FREM2: variants seen among roughly 807,000 people sequenced by gnomAD.
The protein encoded by FREM2 is FRAS1-related extracellular matrix protein 2.
FREM2 carries 119 observed loss-of-function variants against 219.9 expected under a neutral mutation model. That is an observed-to-expected ratio of 0.54 (90% CI 0.47 to 0.63). The LOEUF is 0.63. Among genes scored for constraint, FREM2 ranks in the 30% least tolerant of loss-of-function variants. The pLI, the probability that FREM2 is intolerant of heterozygous loss-of-function variation, is 0.00. For synonymous variants in FREM2, 1,562 were observed against 1,522.8 expected (o/e 1.03, Z -0.60); for missense variants, 4,030 against 3,993.6 (o/e 1.01, Z -0.25).
intron 6 of FREM2, among the ~76,000 whole-genome samples, chr13:38,786,218 C>G (rs1476921900): frequency 6.6e-6 from 1 of 152,272 alleles, no homozygotes; most frequent in South Asian, 2.1e-4. Context: ...CCCATCTTTC[C>G]TCCCTTCCCA....
chr13:38,779,504 G>C (rs191522285), intron 4 of FREM2: 1 of 152,066 alleles, frequency 6.6e-6, no homozygotes, highest in African/African-American at 2.4e-5. Context: ...TCTGTGAAGC[G>C]TTTCGTATTT....
intron 2 of FREM2, among the ~76,000 whole-genome samples, chr13:38,746,563 G>A (rs536399618): frequency 2.0e-5 from 3 of 152,232 alleles, no homozygotes; most frequent in South Asian, 4.1e-4. Flanking sequence ...GATTTTTGAA[G>A]TACCCATGAT....
At position 38,860,509 on chromosome 13, in the gene FREM2, C is replaced by G. The variant is rs533286569; in HGVS notation, c.7519+919C>G. Among the ~76,000 whole-genome samples the G allele has an allele frequency of 2.6e-5, 4 of 152,294 alleles. No homozygotes were observed. In the South Asian group the frequency reaches 8.3e-4, roughly 32 times the overall value. On this transcript the variant is annotated intron_variant, in intron 14 of 23. Coordinates refer to ENST00000280481, the MANE Select transcript of FREM2 (RefSeq NM_207361.6). ...TACTGCATAGAGGTCATATGTCCCA[C>G]CTGTGACTACTATATATTCAGGATC...
At chr13:38,865,716 C>G (rs1029316291) in intron 16 of FREM2, among the ~76,000 whole-genome samples, 22 of 152,106 alleles carry the variant, frequency 1.4e-4, no homozygotes, top group Non-Finnish European at 2.9e-5. Flanking sequence ...CAAAAAGCAG[C>G]AACATTTAGT....
chr13:38,827,908 T>C (rs938119033), intron 6 of FREM2, among the ~76,000 whole-genome samples: 6 of 152,270 alleles, frequency 3.9e-5, no homozygotes, highest in Middle Eastern at 3.4e-3. Context: ...TTGCCTAATA[T>C]TCTGAGATTA....
chr13:38,726,060 G>A (rs1871507927), intron 2 of FREM2, among the ~76,000 whole-genome samples: 1 of 152,168 alleles, frequency 6.6e-6, no homozygotes, highest in African/African-American at 2.4e-5. Flanking sequence ...CATGAGGAGG[G>A]CGCACACCAT....
At chr13:38,761,136 C>T (rs1414611331) in intron 2 of FREM2, among the ~76,000 whole-genome samples, 2 of 152,086 alleles carry the variant, frequency 1.3e-5, no homozygotes, top group Non-Finnish European at 2.9e-5. Context: ...ATGTCCTGGG[C>T]AGAAGATACA....
intron 2 of FREM2, among the ~76,000 whole-genome samples, chr13:38,700,769 A>T (rs959666015): frequency 6.6e-6 from 1 of 152,008 alleles, no homozygotes; most frequent in Non-Finnish European, 1.5e-5. Flanking sequence ...CTTATTCAGG[A>T]TAGGGATAAG....
In FREM2 at chr13:38,828,025, C is replaced by T. The variant is rs190130728; in HGVS notation, c.6020-18548C>T. 5.3e-5 allele frequency among the ~76,000 whole-genome samples: 8 copies of T among 152,278 alleles called. No homozygotes were observed. The East Asian group carries it at 9.7e-4, about 18-fold the overall frequency. ...AGAAGGAGTCTTGTCATCTTCCTCA[C>T]GGAAGCCACACCTCTCCCTTGAGGT... On this transcript the variant is annotated intron_variant, in intron 6 of 23. Coordinates refer to ENST00000280481, the MANE Select transcript of FREM2 (RefSeq NM_207361.6).
chr13:38,690,539 G>A lies in FREM2; in HGVS notation c.3195G>A (p.Gln1065=). ...IWVTILPVDS[Q]APEIFVGEQL... is the part of the protein sequence containing the mutation. ...TGACCATCCTGCCTGTTGATAGCCAGGCCCCAGAAATCTTTGTAGGTGAAC... is the reference window on the plus strand; with the variant it reads ...TGACCATCCTGCCTGTTGATAGCCAAGCCCCAGAAATCTTTGTAGGTGAAC... Residue 1065 remains glutamine (Q), a synonymous_variant, in exon 1 of 24, where the codon CAG becomes CAA. Coordinates refer to ENST00000280481, the MANE Select transcript of FREM2 (RefSeq NM_207361.6). 2 of 1,614,164 alleles carry A rather than the reference G, an allele frequency of 1.2e-6. No individual in the cohort carries two copies.
intron 6 of FREM2, among the ~76,000 whole-genome samples, chr13:38,837,036 G>T (rs1876738964): frequency 6.6e-6 from 1 of 151,990 alleles, no homozygotes; most frequent in South Asian, 2.1e-4. Flanking sequence ...GTGATGTTAG[G>T]GTGTTGATTT....
chr13:38,817,588 G>A (rs1875818077), intron 6 of FREM2, among the ~76,000 whole-genome samples: 1 of 151,974 alleles, frequency 6.6e-6, no homozygotes, highest in Non-Finnish European at 1.5e-5. Flanking sequence ...GGATCTTAGT[G>A]TAAAATCTGA....
intron 2 of FREM2, among the ~76,000 whole-genome samples, chr13:38,745,374 T>C (rs957740739): frequency 1.3e-5 from 2 of 152,218 alleles, no homozygotes; most frequent in Admixed American, 1.3e-4. Context: ...AAATAAACTT[T>C]ACTTGAACTT....
In FREM2 at chr13:38,690,054, C is replaced by T. The variant is rs749932417; in HGVS notation, c.2710C>T (p.His904Tyr). The T allele has an allele frequency of 5.4e-5, 87 of 1,613,950 alleles. 1 individual carries two copies. In the Admixed American group the frequency reaches 1.4e-3, roughly 26 times the overall value. The change falls in exon 1 of 24, where the codon CAT becomes TAT. Residue 904 changes from histidine (H) to tyrosine (Y), a missense_variant. By Grantham distance (83) the His-to-Tyr change is moderately conservative (BLOSUM62 2). This residue lies in a region of FREM2 where 3,102 missense variants were observed against 2,950.7 expected (regional missense o/e 1.05). Transcript: ENST00000280481. ...AAAACAGGGCCGAGTTTCCTATGCC[C>T]ATAATGGGGACAAGTCCCTGACTGA... ...DIKQGRVSYA[H>Y]NGDKSLTDSC...
chr13:38,713,854 G>A (rs1259130497), intron 2 of FREM2, among the ~76,000 whole-genome samples: 1 of 152,136 alleles, frequency 6.6e-6, no homozygotes, highest in African/African-American at 2.4e-5. Flanking sequence ...GACAATGACT[G>A]GAGACATTTT....
intron 6 of FREM2, among the ~76,000 whole-genome samples, chr13:38,819,569 G>A (rs1036648759): frequency 6.6e-6 from 1 of 152,132 alleles, no homozygotes; most frequent in Non-Finnish European, 1.5e-5. Flanking sequence ...TATCAAGGTT[G>A]TGGTACCGAT....
chr13:38,791,528 G>T (rs146510858), intron 6 of FREM2, among the ~76,000 whole-genome samples: 150 of 152,250 alleles, frequency 9.9e-4, no homozygotes, highest in African/African-American at 3.5e-3. Flanking sequence ...CCACATGCCC[G>T]GGAAGGCCTC....
chr13:38,878,981 G>T lies in FREM2; in HGVS notation c.9006+4G>T. The T allele has an allele frequency of 6.2e-7, 1 of 1,614,112 alleles. No homozygotes were observed. Among genetic ancestry groups the T allele is most frequent in the Non-Finnish European group, 8.5e-7 (1 of 1,179,950 alleles). On this transcript the variant is annotated splice_donor_region_variant and intron_variant, in intron 23 of 23. Transcript: ENST00000280481. ...CGACTCAACACCACTCTTTCAGGTA[G>T]GCCAAAAACAAGCTCATTTGTAGTA...
At chr13:38,757,391 A>C (rs1166521148) in intron 2 of FREM2, among the ~76,000 whole-genome samples, 1 of 152,206 alleles carries the variant, frequency 6.6e-6, no homozygotes, top group East Asian at 1.9e-4. Context: ...AATAATCCAC[A>C]CTTGATCTCA....
Sources: gnomAD v4.1 joint callset for allele counts (sites outside exome capture counted in the v4.1 genomes callset) on GRCh38, gnomAD v4.1.1 for gene constraint, gnomAD v4.1.1 regional missense constraint, MANE v1.5 for transcripts, NCBI Gene and HGNC (gene_info 2026-07-23, HGNC 2026-07-21) for gene names.